ANK3: variants seen among roughly 807,000 people sequenced by gnomAD.
ANK3 encodes the protein ankyrin 3.
A neutral mutation model predicts 370.9 loss-of-function variants in ANK3; 57 were observed. The ratio of observed to expected loss-of-function variants is 0.15; its 90% CI spans 0.12 to 0.19. ANK3 has a LOEUF of 0.19. ANK3 is among the 10% of genes least tolerant of loss of function. The pLI is 1.00. For missense variants in ANK3, 4,439 were observed against 5,302.1 expected (o/e 0.84, Z 5.06); for synonymous variants, 1,929 against 1,946.3 (o/e 0.99, Z 0.23).
chr10:60,668,789 C>T (rs1267994135), intron 1 of ANK3, among the ~76,000 whole-genome samples: 1 of 152,004 alleles, frequency 6.6e-6, no homozygotes, highest in African/African-American at 2.4e-5. Flanking sequence ...GTCAGGAGTT[C>T]GAGACCAGCC....
intron 2 of ANK3, among the ~76,000 whole-genome samples, chr10:60,420,661 T>G (rs533284549): frequency 6.6e-6 from 1 of 152,224 alleles, no homozygotes; most frequent in East Asian, 1.9e-4. Context: ...TTATTACACC[T>G]GAAATCCTGT....
rs560882443 is a variant in ANK3 at position 60,110,957 on chromosome 10, T to G, written c.2949-1903A>C. ...GTCTCAACAATATAGAGAGTAATTC[T>G]GATTGGGTCTGTCTTGTTCACTGAT... On this transcript the variant is annotated intron_variant, in intron 26 of 43. Transcript: ENST00000280772. 3.3e-4 allele frequency among the ~76,000 whole-genome samples: 50 copies of G among 152,310 alleles called. No homozygotes were observed. The South Asian group carries it at 0.01, about 31-fold the overall frequency.
chr10:60,513,655 G>A (rs2076144827), intron 2 of ANK3, among the ~76,000 whole-genome samples: 1 of 151,992 alleles, frequency 6.6e-6, no homozygotes, highest in Admixed American at 6.6e-5. Context: ...TAAATATACT[G>A]TACTGTTTGC....
chr10:60,230,845 C>T (rs886620956), intron 8 of ANK3, among the ~76,000 whole-genome samples: 10 of 149,988 alleles, frequency 6.7e-5, no homozygotes, highest in Admixed American at 2.7e-4. Context: ...GCCGAGATTG[C>T]GCCACTGCAC....
intron 2 of ANK3, among the ~76,000 whole-genome samples, chr10:60,484,899 T>C (rs2075311166): frequency 6.6e-6 from 1 of 152,194 alleles, no homozygotes; most frequent in Non-Finnish European, 1.5e-5. Context: ...CAAAGCCACA[T>C]ACACACACAT....
At chr10:60,540,986 A>G (rs2133215352) in intron 2 of ANK3, among the ~76,000 whole-genome samples, 1 of 152,074 alleles carries the variant, frequency 6.6e-6, no homozygotes, top group East Asian at 1.9e-4. Flanking sequence ...TAACAAATAT[A>G]TATCAAAAGG....
intron 4 of ANK3, among the ~76,000 whole-genome samples, chr10:60,272,017 T>TA (rs1232134488): frequency 6.6e-6 from 1 of 151,646 alleles, no homozygotes; most frequent in African/African-American, 2.4e-5. Flanking sequence ...AGCCCACTGT[T>TA]ACTCTGTTTT....
chr10:60,111,652 T>C (rs1347714235), intron 26 of ANK3: 2 of 434,350 alleles, frequency 4.6e-6, no homozygotes, highest in Non-Finnish European at 9.2e-6. Context: ...ACTACAGACA[T>C]TGACACGATC....
rs1051500030 is a variant in ANK3, at chr10:60,105,812, TG to T, written c.3328+92del. On this transcript the variant is annotated intron_variant, in intron 28 of 43. Coordinates refer to ENST00000280772, the MANE Select transcript of ANK3 (RefSeq NM_020987.5). ...CTTGGGTCCTAGCTTAAAATACAAA[TG>T]TGTGAAATTCAGGTCCTGTTTCATG... 1.5e-5 allele frequency: 20 copies of T among 1,321,196 alleles called. No homozygotes were observed. The African/African-American group carries it at 2.7e-4, about 18-fold the overall frequency. 81.8% of individuals were successfully genotyped at this position (1,321,196 alleles called of 1,614,324 possible).
In ANK3 at chr10:60,071,604, G is replaced by C. The variant is rs770512838; in HGVS notation, c.9277C>G (p.Pro3093Ala). Reference protein sequence around the residue: ...TEGGKEIKTLPVYVSFVQVGK... With the variant: ...TEGGKEIKTLAVYVSFVQVGK... ...ACTTGTACAAAACTGACATAAACGG[G>C]TAAAGTTTTTATCTCTTTCCCTCCC... is the stretch of plus-strand genomic sequence containing the variant. Residue 3093 changes from proline to alanine, a missense_variant, in exon 37 of 44, where the codon CCC becomes GCC. Coordinates refer to ENST00000280772, the MANE Select transcript of ANK3 (RefSeq NM_020987.5). 1 of 1,613,846 alleles carries C rather than the reference G, an allele frequency of 6.2e-7. No individual in the cohort carries two copies. Among genetic ancestry groups the C allele is most frequent in the Admixed American group, 1.7e-5 (1 of 59,978 alleles).
At chr10:60,488,769 C>CA (rs1174630746) in intron 2 of ANK3, among the ~76,000 whole-genome samples, 2 of 151,990 alleles carry the variant, frequency 1.3e-5, no homozygotes, top group African/African-American at 2.4e-5. Context: ...CTTTCTTTGC[C>CA]AAAAAATGCA....
chr10:60,570,512 C>T (rs1475830573), intron 2 of ANK3, among the ~76,000 whole-genome samples: 1 of 152,070 alleles, frequency 6.6e-6, no homozygotes, highest in Non-Finnish European at 1.5e-5. Flanking sequence ...TGATTTAATT[C>T]AGGGACTGGT....
chr10:60,108,806 G>C (rs761233498), intron 27 of ANK3, 24 bp downstream of exon 27: 24 of 1,603,378 alleles, frequency 1.5e-5, no homozygotes, highest in Non-Finnish European at 9.4e-6. Context: ...GAGGGCCAAG[G>C]TTAAAATTGA....
intron 23 of ANK3, chr10:60,145,946 G>A (rs756359835): frequency 1.3e-6 from 1 of 750,650 alleles, no homozygotes; most frequent in South Asian, 1.5e-5. Context: ...TATTTACTGG[G>A]GCAAAGAGGA....
chr10:60,442,732 G>A (rs1457879136), intron 2 of ANK3, among the ~76,000 whole-genome samples: 11 of 152,120 alleles, frequency 7.2e-5, no homozygotes, highest in South Asian at 4.1e-4. Context: ...TCATTACTGC[G>A]TAACTTCTTC....
intron 2 of ANK3, among the ~76,000 whole-genome samples, chr10:60,448,114 GA>G (rs1254719737): frequency 3.3e-5 from 5 of 152,140 alleles, no homozygotes; most frequent in Admixed American, 2.0e-4. Context: ...ATCCAGAGAA[GA>G]ACAGGCAGGG....
chr10:60,444,840 A>G (rs2064401171), intron 2 of ANK3, among the ~76,000 whole-genome samples: 1 of 151,026 alleles, frequency 6.6e-6, no homozygotes, highest in Admixed American at 6.6e-5. Flanking sequence ...CTAATTTTCT[A>G]TGTTTTTGAT....
At chr10:60,157,335 C>CT (rs777732848) in intron 23 of ANK3, among the ~76,000 whole-genome samples, 2,353 of 121,086 alleles carry the variant, frequency 0.019, 26 homozygotes, top group African/African-American at 0.031. Flanking sequence ...CTGTGCCCGG[C>CT]TTTTTTTTTT....
intron 2 of ANK3, among the ~76,000 whole-genome samples, chr10:60,468,054 G>A (rs999388983): frequency 3.4e-5 from 5 of 147,950 alleles, no homozygotes; most frequent in South Asian, 2.1e-4. Flanking sequence ...GCATGATCTC[G>A]GCCCACTGCA....
Sources: allele counts gnomAD v4.1 joint callset (sites outside exome capture counted in the v4.1 genomes callset), GRCh38; gene constraint gnomAD v4.1.1; transcripts MANE v1.5; gene names NCBI Gene and HGNC (gene_info 2026-07-23, HGNC 2026-07-21).